KALRN: variants seen among roughly 807,000 people sequenced by gnomAD.
KALRN encodes kalirin.
KALRN carries 70 observed loss-of-function variants against 353.7 expected under a neutral mutation model. The ratio of observed to expected loss-of-function variants is 0.20; its 90% confidence interval spans 0.16 to 0.24. The LOEUF (loss-of-function observed/expected upper bound fraction) is 0.24. Among genes scored for constraint, KALRN ranks in the 10% least tolerant of loss-of-function variants. The pLI, the probability that KALRN is intolerant of heterozygous loss-of-function variation, is 1.00. For synonymous variants in KALRN, 1,391 were observed against 1,434.8 expected (o/e 0.97, Z 0.69); for missense variants, 2,791 against 3,756.7 (o/e 0.74, Z 6.72).
intron 34 of KALRN, among the ~76,000 whole-genome samples, chr3:124,618,307 G>GAGTTTC (rs2078872416): frequency 6.6e-6 from 1 of 151,526 alleles, no homozygotes; most frequent in South Asian, 2.1e-4. Flanking sequence ...AGTAGAGACG[G>GAGTTTC]AGTTTCACCA....
At chr3:124,301,712 C>T (rs1029110523) in intron 6 of KALRN, among the ~76,000 whole-genome samples, 2 of 152,192 alleles carry the variant, frequency 1.3e-5, no homozygotes, top group African/African-American at 4.8e-5. Flanking sequence ...TGCCAAGAAA[C>T]ACATGTATGC....
chr3:124,194,821 T>TCCCTTTC (rs2075274159), intron 1 of KALRN, among the ~76,000 whole-genome samples: 1 of 151,928 alleles, frequency 6.6e-6, no homozygotes, highest in African/African-American at 2.4e-5. Flanking sequence ...TTGGCCCTGT[T>TCCCTTTC]CCCTTTCTGG....
At chr3:124,428,542 T>TAC (rs1443534328) in intron 15 of KALRN, among the ~76,000 whole-genome samples, 3 of 152,226 alleles carry the variant, frequency 2.0e-5, no homozygotes, top group Non-Finnish European at 2.9e-5. Flanking sequence ...GTTATTTCTC[T>TAC]ACTATGCCAG....
chr3:124,535,281 C>A lies in KALRN; in HGVS notation c.4936-27562C>A, dbSNP rs541573235. Among the ~76,000 whole-genome samples, 7 of 152,048 alleles carry A rather than the reference C, an allele frequency of 4.6e-5. No individual in the cohort carries two copies. The East Asian group carries it at 1.4e-3, about 29-fold the overall frequency. Reference sequence around the variant, plus strand: ...AAAAGATTATGTACAGATATGCTCACAAAACTCAGTCATCATCAGTCACTC... The same window carrying A: ...AAAAGATTATGTACAGATATGCTCAAAAAACTCAGTCATCATCAGTCACTC... On this transcript the variant is annotated intron_variant, in intron 33 of 59. Coordinates refer to ENST00000682506, the MANE Select transcript of KALRN (RefSeq NM_001388419.1).
chr3:124,547,424 C>A (rs1225300355), intron 33 of KALRN, among the ~76,000 whole-genome samples: 1 of 152,124 alleles, frequency 6.6e-6, no homozygotes, highest in Admixed American at 6.5e-5. Flanking sequence ...GCAATCCCCC[C>A]ACCTCAGCCT....
At chr3:124,276,790 A>G (rs1415452669) in intron 5 of KALRN, among the ~76,000 whole-genome samples, 5 of 152,158 alleles carry the variant, frequency 3.3e-5, no homozygotes, top group Admixed American at 2.0e-4. Context: ...CAAGTCTCCC[A>G]TGTACTGTGT....
intron 10 of KALRN, among the ~76,000 whole-genome samples, chr3:124,369,039 GGAAAGAGAGGGAGACCGTGGGGAGA>G (rs1236918636): frequency 6.7e-6 from 1 of 149,302 alleles, no homozygotes; most frequent in African/African-American, 2.5e-5. Context: ...GGGAGACCGT[GGAAAGAGAGGGAGACCGTGGGGAGA>G]GGGAGAGGGA....
intron 57 of KALRN, among the ~76,000 whole-genome samples, chr3:124,707,906 T>C (rs2062713335): frequency 6.6e-6 from 1 of 152,204 alleles, no homozygotes; most frequent in East Asian, 1.9e-4. Context: ...CTTCCAGCTG[T>C]GCTTGTATGA....
intron 1 of KALRN, among the ~76,000 whole-genome samples, chr3:124,034,881 G>T (rs140671491): frequency 1.3e-5 from 2 of 152,122 alleles, no homozygotes; most frequent in East Asian, 3.9e-4. Flanking sequence ...GACATGAACT[G>T]GTGGGGGTCA....
At chr3:124,692,454 A>G (rs1395756035) in intron 51 of KALRN, among the ~76,000 whole-genome samples, 1 of 152,258 alleles carries the variant, frequency 6.6e-6, no homozygotes, top group Admixed American at 6.5e-5. Context: ...GAACACACAG[A>G]AACCATGCAT....
chr3:124,452,778 G>A (rs2058922175), intron 21 of KALRN, among the ~76,000 whole-genome samples: 1 of 152,174 alleles, frequency 6.6e-6, no homozygotes, highest in South Asian at 2.1e-4. Context: ...CACATACCTA[G>A]AATACTCTTG....
chr3:124,657,314 T>C (rs1208893242), intron 39 of KALRN, 134 bp from the exon 40 acceptor site: 1 of 644,876 alleles, frequency 1.6e-6, no homozygotes, highest in African/African-American at 1.8e-5. Flanking sequence ...GGTTGAATAG[T>C]GAGAAACCAC....
At chr3:124,510,906 T>G (rs910963662) in intron 33 of KALRN, among the ~76,000 whole-genome samples, 4 of 152,236 alleles carry the variant, frequency 2.6e-5, no homozygotes, top group Non-Finnish European at 5.9e-5. Context: ...CTGAAGTGAC[T>G]GTACTGCTAA....
chr3:124,593,341 C>T (rs2075985680), intron 34 of KALRN, among the ~76,000 whole-genome samples: 1 of 152,158 alleles, frequency 6.6e-6, no homozygotes, highest in Non-Finnish European at 1.5e-5. Context: ...AAAGTGTGGT[C>T]ACCTGGGAAC....
At chr3:124,206,877 C>T (rs1687144636) in intron 1 of KALRN, among the ~76,000 whole-genome samples, 1 of 152,150 alleles carries the variant, frequency 6.6e-6, no homozygotes, top group Non-Finnish European at 1.5e-5. Flanking sequence ...TCTAAAATGC[C>T]TCAGACAGTC....
rs572755102 is a variant in KALRN, at chr3:124,233,179, G to C, written c.149-1650G>C. 8.5e-5 allele frequency among the ~76,000 whole-genome samples: 13 copies of C among 152,210 alleles called. No homozygotes were observed. In the South Asian group the frequency reaches 2.7e-3, roughly 32 times the overall value. ...AGACTCTACTTGTATAATGTCCAAG[G>C]AAGGTCAGGAAAAAAACAACAGCTA... On this transcript the variant is annotated intron_variant, in intron 2 of 59. Transcript: ENST00000682506.
intron 1 of KALRN, among the ~76,000 whole-genome samples, chr3:124,221,423 G>A (rs2077893387): frequency 1.3e-5 from 2 of 152,182 alleles, no homozygotes; most frequent in South Asian, 2.1e-4. Context: ...AGTAGAACAA[G>A]GAATACTACA....
At chr3:124,147,209 C>T (rs959894600) in intron 1 of KALRN, among the ~76,000 whole-genome samples, 1 of 152,076 alleles carries the variant, frequency 6.6e-6, no homozygotes, top group Non-Finnish European at 1.5e-5. Context: ...TAACTCCCCA[C>T]CCCATGCAGC....
chr3:124,119,916 GC>G (rs2063807111), intron 1 of KALRN, among the ~76,000 whole-genome samples: 1 of 152,154 alleles, frequency 6.6e-6, no homozygotes, highest in African/African-American at 2.4e-5. Flanking sequence ...TTCCTGGGCT[GC>G]TGCTTGGGTA....
Sources: allele counts gnomAD v4.1 joint callset (sites outside exome capture counted in the v4.1 genomes callset), GRCh38; gene constraint gnomAD v4.1.1; transcripts MANE v1.5; gene names NCBI Gene and HGNC (gene_info 2026-07-23, HGNC 2026-07-21).